The following NPAS3 variants were observed in gnomAD, a reference collection of about 807,000 sequenced individuals.
The protein encoded by NPAS3 is neuronal PAS domain-containing protein 3.
A neutral mutation model predicts 73.1 loss-of-function variants in NPAS3; 14 were observed. That is an observed-to-expected ratio of 0.19 (90% CI 0.13 to 0.30). NPAS3 has a LOEUF of 0.30. Ranked by LOEUF, NPAS3 falls within the 10% of genes least tolerant of loss-of-function variation. The pLI is 1.00. For synonymous variants in NPAS3, 620 were observed against 541.5 expected (o/e 1.14, Z -2.01); for missense variants, 1,096 against 1,250.0 (o/e 0.88, Z 1.86).
chr14:33,496,739 T>C (rs1472314439), intron 4 of NPAS3, among the ~76,000 whole-genome samples: 1 of 152,170 alleles, frequency 6.6e-6, no homozygotes, highest in African/African-American at 2.4e-5. Flanking sequence ...TGACAGCCAG[T>C]ATCATGCTGA....
At chr14:33,130,321 G>A (rs1340564031) in intron 2 of NPAS3, among the ~76,000 whole-genome samples, 1 of 152,162 alleles carries the variant, frequency 6.6e-6, no homozygotes, top group Non-Finnish European at 1.5e-5. Flanking sequence ...TGTCTCAGCA[G>A]TAATGGAACT....
chr14:33,308,525 T>TACACACACACACACACACAC (rs1280716729), intron 3 of NPAS3, among the ~76,000 whole-genome samples: 31 of 82,478 alleles, frequency 3.8e-4, no homozygotes, highest in African/African-American at 1.4e-3. Flanking sequence ...TATATATATA[T>TACACACACACACACACACAC]ATACATACAC....
chr14:32,957,367 T>C lies in NPAS3; in HGVS notation c.50+18001T>C, dbSNP rs2036713528. ...AAGTGTGGGTTATTATAAGTATTCA[T>C]TTTCATTTTTTTTTTTTTTTTGGAA... On this transcript the variant is annotated intron_variant, in intron 1 of 11. Transcript: ENST00000356141. 3.3e-5 allele frequency among the ~76,000 whole-genome samples: 5 copies of C among 151,818 alleles called. No individual in the cohort carries two copies. The South Asian group carries it at 1.0e-3, about 31-fold the overall frequency.
At chr14:33,102,944 C>G (rs2042619407) in intron 2 of NPAS3, among the ~76,000 whole-genome samples, 1 of 152,154 alleles carries the variant, frequency 6.6e-6, no homozygotes, top group Non-Finnish European at 1.5e-5. Context: ...GCATGGAGAA[C>G]TATTACCTTA....
At chr14:33,691,184 A>G (rs926759751) in intron 6 of NPAS3, among the ~76,000 whole-genome samples, 2 of 152,226 alleles carry the variant, frequency 1.3e-5, no homozygotes, top group African/African-American at 4.8e-5. Flanking sequence ...GCTATATTTT[A>G]TGACCAGACC....
chr14:33,142,191 C>CTTTTTT lies in NPAS3; in HGVS notation c.141-72973_141-72968dup, dbSNP rs10709910. 7.1e-3 allele frequency among the ~76,000 whole-genome samples: 269 copies of CTTTTTT among 38,058 alleles called. 13 individuals carry two copies. Among genetic ancestry groups the CTTTTTT allele is most frequent in the South Asian group, 0.015 (10 of 652 alleles). The allele number at this position is 38,058 out of a possible 152,430, so 25.0% of individuals were successfully genotyped here. The stretch of plus-strand genomic sequence containing the variant: ...TTTATTTTATTTTAATTTGTATAAG[C>CTTTTTT]TTTTTTTTTTTTTTTTTTTTTTTAC... On this transcript the variant is annotated intron_variant, in intron 2 of 11. Coordinates refer to ENST00000356141, the Ensembl canonical transcript of NPAS3.
chr14:33,495,120 T>C (rs545007694), intron 4 of NPAS3, among the ~76,000 whole-genome samples: 3 of 152,156 alleles, frequency 2.0e-5, no homozygotes, highest in African/African-American at 7.2e-5. Flanking sequence ...TTTGGTGCTA[T>C]AAATTTCCCT....
In NPAS3 at chr14:33,800,415, G is replaced by T. The variant is rs2063665190; in HGVS notation, c.2108G>T (p.Gly703Val). ...CAGGGCGGCGGCGGTGGGGGTGGCG[G>T]TGGCGGGGGGCTGCACGTGGCCATT... Residue 703 changes from glycine to valine, a missense_variant, in exon 12 of 12, where the codon GGT (glycine) becomes GTT (valine). Around this residue, in one of 5 missense-constraint regions of NPAS3, gnomAD observed 698 missense variants for 676.7 expected, o/e 1.03. Coordinates refer to ENST00000356141, the Ensembl canonical transcript of NPAS3. This position sits in a 1 kb window ranked among gnomAD's most constrained non-coding sequence, Gnocchi z 6.5. 1.9e-6 allele frequency: 3 copies of T among 1,597,808 alleles called. No individual in the cohort carries two copies. The highest frequency in any genetic ancestry group is 2.6e-6 in the Non-Finnish European group (3 of 1,175,114).
chr14:32,957,462 C>T (rs2036722840), intron 1 of NPAS3, among the ~76,000 whole-genome samples: 1 of 151,176 alleles, frequency 6.6e-6, no homozygotes, highest in African/African-American at 2.4e-5. Flanking sequence ...AGCTCCGCCT[C>T]CTGGGTTCAC....
intron 6 of NPAS3, among the ~76,000 whole-genome samples, chr14:33,724,634 A>G (rs2061212817): frequency 6.6e-6 from 1 of 152,158 alleles, no homozygotes; most frequent in African/African-American, 2.4e-5. Flanking sequence ...CACCAATCTC[A>G]AAAACAACAA....
chr14:33,025,454 T>A (rs1047496233), intron 1 of NPAS3, among the ~76,000 whole-genome samples: 1 of 152,212 alleles, frequency 6.6e-6, no homozygotes, highest in African/African-American at 2.4e-5. Flanking sequence ...ATAGATATAG[T>A]TCAGGTGTTA....
intron 3 of NPAS3, among the ~76,000 whole-genome samples, chr14:33,265,359 T>C (rs2049130259): frequency 6.6e-6 from 1 of 152,220 alleles, no homozygotes; most frequent in Non-Finnish European, 1.5e-5. Context: ...TATTAACTGC[T>C]CTGTAAAATT....
intron 5 of NPAS3, among the ~76,000 whole-genome samples, chr14:33,621,978 G>A (rs1324599055): frequency 1.3e-5 from 2 of 152,076 alleles, no homozygotes; most frequent in Admixed American, 6.6e-5. Flanking sequence ...GAGCCAGAAA[G>A]GTCCAGTGTC....
chr14:33,223,854 T>G (rs1158818984), intron 3 of NPAS3, among the ~76,000 whole-genome samples: 1 of 152,074 alleles, frequency 6.6e-6, no homozygotes, highest in Non-Finnish European at 1.5e-5. Context: ...AAAATTTTTT[T>G]TTGTTTGTAT....
intron 4 of NPAS3, among the ~76,000 whole-genome samples, chr14:33,458,853 C>T (rs1407571768): frequency 1.3e-5 from 2 of 152,152 alleles, no homozygotes; most frequent in African/African-American, 2.4e-5. Flanking sequence ...GGTCCCGATC[C>T]AGACCCCAAG....
chr14:33,796,998 A>G (rs1038985620), intron 10 of NPAS3, among the ~76,000 whole-genome samples: 5 of 152,150 alleles, frequency 3.3e-5, no homozygotes, highest in African/African-American at 1.2e-4. Context: ...TGCCCCACCA[A>G]TAGCGTGGGA....
chr14:33,666,248 C>G (rs953628687), intron 5 of NPAS3, among the ~76,000 whole-genome samples: 2 of 152,104 alleles, frequency 1.3e-5, no homozygotes, highest in Non-Finnish European at 2.9e-5. Flanking sequence ...TGTAATACAC[C>G]ACCCCTGCTC....
intron 4 of NPAS3, among the ~76,000 whole-genome samples, chr14:33,447,154 G>A (rs1477135258): frequency 6.6e-6 from 1 of 152,240 alleles, no homozygotes; most frequent in Non-Finnish European, 1.5e-5. Context: ...GGCCGTTGGG[G>A]CCTAAAGGAC....
rs753054768 is a variant in NPAS3 at position 33,793,860 on chromosome 14, C to G, written c.1154-37C>G. 10 of 1,579,824 alleles carry G rather than the reference C, an allele frequency of 6.3e-6. No homozygotes were observed. In the Admixed American group the frequency reaches 1.6e-4, roughly 25 times the overall value. ...AAAAAAAAAGTTATTTGATCCCAGTCTTAATACAATGCCTCTGTTTTGTTT... is the reference window on the plus strand; with the variant it reads ...AAAAAAAAAGTTATTTGATCCCAGTGTTAATACAATGCCTCTGTTTTGTTT... On this transcript the variant is annotated intron_variant, in intron 9 of 11. Coordinates refer to ENST00000356141, the Ensembl canonical transcript of NPAS3.
Sources: gnomAD v4.1 joint callset for allele counts (sites outside exome capture counted in the v4.1 genomes callset) on GRCh38, gnomAD v4.1.1 for gene constraint, gnomAD v4.1.1 regional missense constraint, Gnocchi (gnomAD v3.1) non-coding constraint, MANE v1.5 for transcripts, NCBI Gene and HGNC (gene_info 2026-07-23, HGNC 2026-07-21) for gene names.